NOTCH2: variants seen among roughly 807,000 people sequenced by gnomAD.
The protein encoded by NOTCH2 is neurogenic locus notch homolog protein 2.
Under a neutral mutation model 235.8 loss-of-function variants are expected in NOTCH2, and 29 were observed. The observed-to-expected ratio is 0.12, with a 90% CI of 0.09 to 0.17. The LOEUF (loss-of-function observed/expected upper bound fraction) is 0.17. Among genes scored for constraint, NOTCH2 ranks in the 10% least tolerant of loss-of-function variants. The probability of loss-of-function intolerance (pLI) is 1.00; values close to 1 mark genes in which losing one functional copy is unlikely to be tolerated. For synonymous variants in NOTCH2, 1,086 were observed against 1,141.5 expected (o/e 0.95, Z 0.98); for missense variants, 2,285 against 3,150.2 (o/e 0.73, Z 6.57).
Position 119,923,623 on chromosome 1 carries a change from AACCAAAC to A in NOTCH2, c.4859+7_4859+13del, listed in dbSNP as rs1649361480. The stretch of plus-strand genomic sequence containing the variant: ...CATAAAATTAGCCTTGAAGTTCAGA[AACCAAAC>A]ACCTACCCAGCCACCTCCTGTTCTT... On this transcript the variant is annotated splice_region_variant and intron_variant, in intron 26 of 33. Coordinates refer to ENST00000256646, the MANE Select transcript of NOTCH2 (RefSeq NM_024408.4). 4 of 1,612,198 alleles carry A rather than the reference AACCAAAC, an allele frequency of 2.5e-6. No individual in the cohort carries two copies. The highest frequency in any genetic ancestry group is 1.3e-5 in the African/African-American group (1 of 74,878).
At chr1:119,940,037 T>G (rs1461995459) in intron 19 of NOTCH2, among the ~76,000 whole-genome samples, 1 of 152,244 alleles carries the variant, frequency 6.6e-6, no homozygotes, top group African/African-American at 2.4e-5. Flanking sequence ...AATCGAAGGT[T>G]AGATTAGTTG....
rs1651220474 is a variant in NOTCH2 at position 119,968,225 on chromosome 1, C to A, written c.1116G>T (p.Leu372=). Residue 372 remains leucine (L), a synonymous_variant, in exon 7 of 34, where the codon CTG becomes CTT. Coordinates refer to ENST00000256646, the MANE Select transcript of NOTCH2 (RefSeq NM_024408.4). ...TGATGCATGCATCATCCAGATGACACAGGAGACCTGTCACAGGGTGGGGCA... is the reference window on the plus strand; with the variant it reads ...TGATGCATGCATCATCCAGATGACAAAGGAGACCTGTCACAGGGTGGGGCA... ...CMCPEGKAGL[L]CHLDDACISN... 1 of 1,613,866 alleles carries A rather than the reference C, an allele frequency of 6.2e-7. No individual in the cohort carries two copies. The highest frequency in any genetic ancestry group is 8.5e-7 in the Non-Finnish European group (1 of 1,179,910).
intron 12 of NOTCH2, among the ~76,000 whole-genome samples, chr1:119,958,837 C>T (rs1045694925): frequency 2.0e-5 from 3 of 151,984 alleles, no homozygotes. Context: ...ATTCTTCTAG[C>T]CATTTACTTT....
At position 119,918,437 on chromosome 1, in the gene NOTCH2, G is replaced by A. The variant is rs1243044966; in HGVS notation, c.5898C>T (p.Cys1966=). ...CATCCACTGCATTCACATCCGCTTG[G>A]CAGTTGATCAGTTCTGCCACCATTC... ...VEGMVAELIN[C]QADVNAVDDH... The change falls in exon 32 of 34, where the codon TGC becomes TGT. Residue 1966 remains cysteine, a synonymous_variant. Coordinates refer to ENST00000256646, the MANE Select transcript of NOTCH2 (RefSeq NM_024408.4). 1.9e-6 allele frequency: 3 copies of A among 1,614,148 alleles called. No homozygotes were observed. Among genetic ancestry groups the A allele is most frequent in the Non-Finnish European group, 1.7e-6 (2 of 1,180,046 alleles).
intron 3 of NOTCH2, among the ~76,000 whole-genome samples, chr1:120,003,787 A>G (rs1302243230): frequency 6.6e-6 from 1 of 151,756 alleles, no homozygotes; most frequent in Non-Finnish European, 1.5e-5. Flanking sequence ...AAGGGTCACT[A>G]AGACACAGTT....
chr1:119,986,161 T>C (rs1553202206), intron 5 of NOTCH2, among the ~76,000 whole-genome samples: 1 of 152,212 alleles, frequency 6.6e-6, no homozygotes, highest in African/African-American at 2.4e-5. Context: ...CTGTAATTTT[T>C]TCTTATAATA....
rs1570702128 is a variant in NOTCH2, at chr1:119,969,695, G to C, written c.924C>G (p.Ala308=). Residue 308 remains alanine, a synonymous_variant, in exon 6 of 34, where the codon GCC becomes GCG. Transcript: ENST00000256646. The stretch of plus-strand genomic sequence containing the variant: ...TGGCACAGGTGCCCCCATTTTGACA[G>C]GCATTGGGCTGCAGCAGGCATTCAT... The part of the protein sequence containing the change: ...DVDECLLQPN[A]CQNGGTCANR... 1 of 1,614,112 alleles carries C rather than the reference G, an allele frequency of 6.2e-7. No homozygotes were observed. Among genetic ancestry groups the C allele is most frequent in the Non-Finnish European group, 8.5e-7 (1 of 1,179,990 alleles).
intron 23 of NOTCH2, among the ~76,000 whole-genome samples, chr1:119,926,923 A>T (rs759656915): frequency 6.6e-6 from 1 of 152,244 alleles, no homozygotes; most frequent in Non-Finnish European, 1.5e-5. Flanking sequence ...CAGCTTTTTG[A>T]AGTCATTTTA....
At chr1:119,920,995 CACA>C (rs1445088910) in intron 29 of NOTCH2, among the ~76,000 whole-genome samples, 2 of 152,238 alleles carry the variant, frequency 1.3e-5, no homozygotes, top group Non-Finnish European at 2.9e-5. Flanking sequence ...CATATGCCAA[CACA>C]ACAACTCACA....
intron 5 of NOTCH2, among the ~76,000 whole-genome samples, chr1:119,975,090 C>T (rs1315048656): frequency 4.6e-5 from 7 of 152,164 alleles, no homozygotes; most frequent in African/African-American, 7.2e-5. Context: ...GAAAATAGCT[C>T]AGTGCTGATA....
chr1:119,969,790 G>A, intron 5 of NOTCH2, 46 bp from the exon 6 acceptor site: 1 of 1,522,622 alleles, frequency 6.6e-7, no homozygotes, highest in Admixed American at 1.7e-5. Context: ...GAGTCTCAAA[G>A]GACTAGTACC....
chr1:119,950,620 C>T (rs782816195), intron 15 of NOTCH2, 104 bp downstream of exon 15: 11 of 791,500 alleles, frequency 1.4e-5, no homozygotes, highest in Admixed American at 5.2e-5. Flanking sequence ...AGTGAGCCCT[C>T]GGAGGAGCAT....
In NOTCH2 at chr1:119,919,520, A is replaced by T. The variant is rs760470905; in HGVS notation, c.5573T>A (p.Ile1858Asn). 6.2e-7 allele frequency: 1 copy of T among 1,614,026 alleles called. No individual in the cohort carries two copies. Among genetic ancestry groups the T allele is most frequent in the Non-Finnish European group, 8.5e-7 (1 of 1,180,032 alleles). Residue 1858 changes from isoleucine to asparagine, a missense_variant, in exon 31 of 34, where the codon ATC (isoleucine) becomes AAC (asparagine). Physicochemically the swap from Ile to Asn is moderately radical, Grantham distance 149. Transcript: ENST00000256646. ...DEDAEDSSANIITDLVYQGAS... is the reference protein window; with the variant it reads ...DEDAEDSSANNITDLVYQGAS... ...ACCCTGGTAGACCAAGTCTGTGATG[A>T]TGTTAGCAGAAGAGTCCTCTGCATC...
intron 21 of NOTCH2, among the ~76,000 whole-genome samples, chr1:119,937,048 A>T (rs1440709965): frequency 2.0e-5 from 3 of 152,152 alleles, no homozygotes; most frequent in African/African-American, 7.2e-5. Flanking sequence ...TCCTAAAAGC[A>T]AGCCTAAGGA....
In NOTCH2 at chr1:119,915,041, G is replaced by T; in HGVS notation, c.*265C>A. The T allele has an allele frequency of 5.7e-6, 3 of 522,924 alleles. No homozygotes were observed. In the South Asian group the frequency reaches 6.2e-5, roughly 11 times the overall value. The allele number at this position is 522,924 out of a possible 1,614,324, so 32.4% of individuals were successfully genotyped here. ...TCCATCTTATTCTCCAAATAGAAGA[G>T]AGTAAACATGGACCCAAGGCTTGTA... On this transcript the variant is annotated 3_prime_UTR_variant, in exon 34 of 34. Transcript: ENST00000256646.
chr1:119,951,442 G>A (rs587609322), intron 14 of NOTCH2, among the ~76,000 whole-genome samples: 10 of 152,238 alleles, frequency 6.6e-5, no homozygotes, highest in South Asian at 2.1e-4. Context: ...GTGAGCCATC[G>A]CACCCAGCCA....
intron 3 of NOTCH2, among the ~76,000 whole-genome samples, chr1:119,999,968 AAAGAAAGAAAGGAAGGAAGG>A (rs57880446): frequency 0.037 from 3,638 of 99,654 alleles, 72 homozygotes; most frequent in African/African-American, 0.12. Context: ...AGAAAGAAAG[AAAGAAAGAAAGGAAGGAAGG>A]AAGGAAGGAA....
intron 4 of NOTCH2, chr1:119,996,770 T>C (rs587757293): frequency 1.1e-6 from 1 of 893,426 alleles, no homozygotes. Flanking sequence ...AATAAACAAT[T>C]TTCTAGCCAC....
intron 5 of NOTCH2, among the ~76,000 whole-genome samples, chr1:119,977,154 G>A (rs587663617): frequency 1.1e-4 from 17 of 152,120 alleles, no homozygotes; most frequent in East Asian, 5.8e-4. Context: ...ATAAATATTC[G>A]TTAAATGAAT....
Sources: gnomAD v4.1 joint callset for allele counts (sites outside exome capture counted in the v4.1 genomes callset) on GRCh38, gnomAD v4.1.1 for gene constraint, MANE v1.5 for transcripts, NCBI Gene and HGNC (gene_info 2026-07-23, HGNC 2026-07-21) for gene names.